PCDH15: variants seen among roughly 807,000 people sequenced by gnomAD.
The protein encoded by PCDH15 is protocadherin-15.
PCDH15 carries 129 observed loss-of-function variants against 178.5 expected under a neutral mutation model. The observed-to-expected ratio is 0.72, with a 90% CI of 0.63 to 0.84. The LOEUF is 0.84. Ranked by LOEUF, PCDH15 falls within the 40% of genes least tolerant of loss-of-function variation. PCDH15 has a pLI of 0.00. For missense variants in PCDH15, 2,230 were observed against 2,099.9 expected (o/e 1.06, Z -1.21); for synonymous variants, 800 against 732.0 (o/e 1.09, Z -1.50).
intron 2 of PCDH15, among the ~76,000 whole-genome samples, chr10:54,550,379 G>A (rs2086422787): frequency 6.6e-6 from 1 of 151,996 alleles, no homozygotes; most frequent in African/African-American, 2.4e-5. Context: ...TAGGTGAGCT[G>A]CATGCAATTA....
Position 54,498,986 on chromosome 10 carries a change from TACTC to T in PCDH15, c.157+28822_157+28825del, listed in dbSNP as rs759224292. 3.3e-5 allele frequency among the ~76,000 whole-genome samples: 5 copies of T among 151,974 alleles called. No individual in the cohort carries two copies. The East Asian group carries it at 5.8e-4, about 18-fold the overall frequency. On this transcript the variant is annotated intron_variant, in intron 3 of 37. Transcript: ENST00000644397. ...TAAACAACCAGATCTCATGAGAACTTACTCACTATCACTAGAACAGCAAGGGAGA... is the reference window on the plus strand; with the variant it reads ...TAAACAACCAGATCTCATGAGAACTTACTATCACTAGAACAGCAAGGGAGA...
chr10:54,417,928 G>A (rs984760105), intron 3 of PCDH15, among the ~76,000 whole-genome samples: 1 of 151,998 alleles, frequency 6.6e-6, no homozygotes, highest in African/African-American at 2.4e-5. Context: ...TTGTAGAGAG[G>A]GTCTTATTAT....
intron 3 of PCDH15, among the ~76,000 whole-genome samples, chr10:54,517,616 AC>A (rs1409712223): frequency 2.6e-5 from 4 of 152,252 alleles, no homozygotes; most frequent in Non-Finnish European, 5.9e-5. Flanking sequence ...ATAATGGGAG[AC>A]TTTAACACCC....
At chr10:55,278,340 A>C (rs953274898) in intron 1 of PCDH15, among the ~76,000 whole-genome samples, 2 of 152,054 alleles carry the variant, frequency 1.3e-5, no homozygotes, top group African/African-American at 4.8e-5. Context: ...TTCATGTTTT[A>C]TTGTAAATAA....
chr10:54,493,273 G>A (rs937546571), intron 3 of PCDH15, among the ~76,000 whole-genome samples: 11 of 151,966 alleles, frequency 7.2e-5, no homozygotes, highest in Admixed American at 6.6e-4. Context: ...TATTGTCTGT[G>A]GATAAGAGGG....
chr10:55,558,757 C>T (rs183373238), intron 2 of PCDH15, among the ~76,000 whole-genome samples: 538 of 152,084 alleles, frequency 3.5e-3, no homozygotes, highest in Non-Finnish European at 6.0e-3. Flanking sequence ...TGTTTCTATT[C>T]TCAGAATTTC....
chr10:54,892,405 G>A (rs890827130), intron 3 of PCDH15, among the ~76,000 whole-genome samples: 1 of 151,542 alleles, frequency 6.6e-6, no homozygotes, highest in African/African-American at 2.4e-5. Context: ...AAAATTAAAA[G>A]CTATCAAAAA....
intron 2 of PCDH15, among the ~76,000 whole-genome samples, chr10:55,352,550 C>A (rs759077810): frequency 3.3e-5 from 5 of 152,000 alleles, no homozygotes; most frequent in Non-Finnish European, 5.9e-5. Context: ...GAGAAGTTGC[C>A]AAAGAACACA....
chr10:54,234,130 T>TG (rs1591331290), intron 9 of PCDH15, among the ~76,000 whole-genome samples: 124 of 103,196 alleles, frequency 1.2e-3, no homozygotes, highest in African/African-American at 4.7e-3. Context: ...GGATATCCCC[T>TG]TCTGTGTGTG....
intron 1 of PCDH15, among the ~76,000 whole-genome samples, chr10:54,714,694 T>C (rs1189529460): frequency 6.6e-6 from 1 of 152,128 alleles, no homozygotes; most frequent in Non-Finnish European, 1.5e-5. Flanking sequence ...AGTTAAGTTC[T>C]TCAAGCCCAT....
chr10:55,483,413 C>T (rs1840226808), intron 2 of PCDH15, among the ~76,000 whole-genome samples: 1 of 151,600 alleles, frequency 6.6e-6, no homozygotes, highest in Non-Finnish European at 1.5e-5. Flanking sequence ...ATGAAAGCCA[C>T]AATGTGATGC....
At chr10:55,236,247 T>A (rs913808887) in intron 1 of PCDH15, among the ~76,000 whole-genome samples, 1 of 152,092 alleles carries the variant, frequency 6.6e-6, no homozygotes, top group East Asian at 1.9e-4. Flanking sequence ...TATAATTAAA[T>A]AAGCACCTTC....
At chr10:54,108,896 G>C (rs951715679) in intron 15 of PCDH15, among the ~76,000 whole-genome samples, 26 of 152,140 alleles carry the variant, frequency 1.7e-4, no homozygotes, top group African/African-American at 6.3e-4. Flanking sequence ...GGCAAAAATA[G>C]AAACCTCTGC....
At chr10:54,053,434 A>G (rs763501125) in intron 18 of PCDH15, among the ~76,000 whole-genome samples, 7 of 152,186 alleles carry the variant, frequency 4.6e-5, no homozygotes, top group Non-Finnish European at 1.0e-4. Flanking sequence ...TCTACTTTCA[A>G]GATGTTTAGA....
At chr10:55,586,828 C>T (rs1000146500) in intron 2 of PCDH15, among the ~76,000 whole-genome samples, 6 of 152,072 alleles carry the variant, frequency 3.9e-5, no homozygotes, top group African/African-American at 1.4e-4. Flanking sequence ...AATTATACCT[C>T]AATAATTATC....
intron 2 of PCDH15, among the ~76,000 whole-genome samples, chr10:55,607,860 G>T (rs10159563): frequency 0.32 from 47,745 of 150,350 alleles, 8,149 homozygotes; most frequent in East Asian, 0.48. Flanking sequence ...TAACTAACCT[G>T]CACATTGTGC....
intron 16 of PCDH15, among the ~76,000 whole-genome samples, chr10:54,080,900 T>C (rs190629051): frequency 6.6e-6 from 1 of 152,286 alleles, no homozygotes; most frequent in Admixed American, 6.5e-5. Context: ...CATGTATTTC[T>C]TCTGAGGCTT....
At chr10:54,380,705 CATATAT>C (rs58171476) in intron 3 of PCDH15, among the ~76,000 whole-genome samples, 6,155 of 48,752 alleles carry the variant, frequency 0.13, 958 homozygotes, top group Admixed American at 0.23. Context: ...ATATATGCTC[CATATAT>C]ATATATATAT....
At chr10:55,285,123 G>A (rs1206865876) in intron 1 of PCDH15, among the ~76,000 whole-genome samples, 2 of 144,180 alleles carry the variant, frequency 1.4e-5, no homozygotes. Flanking sequence ...GTAAATACAA[G>A]TTTACCATAT....
Sources: gnomAD v4.1 joint callset for allele counts (sites outside exome capture counted in the v4.1 genomes callset) on GRCh38, gnomAD v4.1.1 for gene constraint, MANE v1.5 for transcripts, NCBI Gene and HGNC (gene_info 2026-07-23, HGNC 2026-07-21) for gene names.